SAMSN1: variants seen among roughly 807,000 people sequenced by gnomAD.
SAMSN1 encodes the protein SAM domain-containing protein SAMSN-1.
In SAMSN1, 31 loss-of-function variants were observed where a neutral mutation model predicts 42.0. The ratio of observed to expected loss-of-function variants is 0.74; its 90% confidence interval spans 0.55 to 1.00. The LOEUF is 1.00. Ranked by LOEUF, SAMSN1 falls within the 50% of genes least tolerant of loss-of-function variation. The pLI is 0.00. For missense variants in SAMSN1, 464 were observed against 439.4 expected (o/e 1.06, Z -0.50); for synonymous variants, 178 against 151.9 (o/e 1.17, Z -1.26).
chr21:14,574,885 T>C (rs1981410044), intron 2 of SAMSN1, among the ~76,000 whole-genome samples: 1 of 152,182 alleles, frequency 6.6e-6, no homozygotes, highest in East Asian at 1.9e-4. Context: ...CTCTTCTTTA[T>C]CTAATAAAAA....
At chr21:14,543,929 T>A (rs1238591872) in intron 1 of SAMSN1, among the ~76,000 whole-genome samples, 1 of 152,248 alleles carries the variant, frequency 6.6e-6, no homozygotes, top group Non-Finnish European at 1.5e-5. Context: ...AATTTCTTGA[T>A]GGTTCTGTTT....
chr21:14,553,315 T>C (rs1312134520), intron 2 of SAMSN1, among the ~76,000 whole-genome samples: 1 of 152,152 alleles, frequency 6.6e-6, no homozygotes, highest in Non-Finnish European at 1.5e-5. Context: ...AATAACTGTC[T>C]TTCTTTTTAT....
intron 7 of SAMSN1, among the ~76,000 whole-genome samples, chr21:14,497,202 G>T (rs1405684802): frequency 6.6e-6 from 1 of 152,208 alleles, no homozygotes; most frequent in Non-Finnish European, 1.5e-5. Context: ...CTAACTCAAA[G>T]AACTGGGGTA....
intron 2 of SAMSN1, among the ~76,000 whole-genome samples, chr21:14,632,269 AG>A (rs957528551): frequency 5.9e-5 from 9 of 151,692 alleles, no homozygotes; most frequent in Non-Finnish European, 1.2e-4. Flanking sequence ...GCAAACTTAG[AG>A]TATGTGTTTT....
intron 7 of SAMSN1, among the ~76,000 whole-genome samples, chr21:14,492,184 A>T (rs1986719748): frequency 6.6e-6 from 1 of 152,206 alleles, no homozygotes; most frequent in Non-Finnish European, 1.5e-5. Context: ...GAATTTCTGG[A>T]TACAAAAGTG....
intron 2 of SAMSN1, among the ~76,000 whole-genome samples, chr21:14,625,682 T>C (rs1212028293): frequency 6.6e-6 from 1 of 152,200 alleles, no homozygotes; most frequent in African/African-American, 2.4e-5. Context: ...AGAATCAGTA[T>C]TGTGAAAATG....
chr21:14,621,677 C>G (rs1983012447), intron 2 of SAMSN1, among the ~76,000 whole-genome samples: 2 of 152,212 alleles, frequency 1.3e-5, no homozygotes, highest in South Asian at 4.1e-4. Flanking sequence ...CTGCCTGCCT[C>G]TGTAGACTCC....
chr21:14,500,622 C>G lies in SAMSN1; in HGVS notation c.675G>C (p.Glu225Asp), dbSNP rs1305192586. 4 of 1,614,076 alleles carry G rather than the reference C, an allele frequency of 2.5e-6. No homozygotes were observed. The Middle Eastern group carries it at 4.9e-4, about 200-fold the overall frequency. The change falls in exon 6 of 8, where the codon GAG becomes GAC. Residue 225 changes from glutamate (E) to aspartate (D), a missense_variant. Glu to Asp is a conservative substitution (Grantham distance 45, BLOSUM62 2). Coordinates refer to ENST00000400566, the MANE Select transcript of SAMSN1 (RefSeq NM_022136.5). ...KFIYVDVISE[E>D]EAAPKKIKAN... The stretch of plus-strand genomic sequence containing the variant: ...CCTTTATTTTCTTGGGGGCTGCTTC[C>G]TCTTCTGAGATGACATCCACATAAA...
rs1190551685 is a variant in SAMSN1, at chr21:14,641,391, G to A, written c.156+1611C>T. Among the ~76,000 whole-genome samples, 3 of 152,026 alleles carry A rather than the reference G, an allele frequency of 2.0e-5. No individual in the cohort carries two copies. The South Asian group carries it at 6.2e-4, about 31-fold the overall frequency. The stretch of plus-strand genomic sequence containing the variant: ...GCTATGATAATAAGCCATTTTTAAT[G>A]CACCCAAAGAACAAAATAGGTATAT... On this transcript the variant is annotated intron_variant, in intron 2 of 15. Coordinates refer to the SAMSN1 transcript ENST00000647101.
intron 1 of SAMSN1, among the ~76,000 whole-genome samples, chr21:14,542,929 G>A (rs1980137550): frequency 6.6e-6 from 1 of 152,296 alleles, no homozygotes; most frequent in Middle Eastern, 3.4e-3. Flanking sequence ...TCCAGCCTGG[G>A]TGACAGAGCA....
chr21:14,500,301 A>G (rs1202743619), intron 6 of SAMSN1, among the ~76,000 whole-genome samples: 6 of 152,084 alleles, frequency 3.9e-5, no homozygotes, highest in Non-Finnish European at 7.3e-5. Flanking sequence ...ATCAATCTCT[A>G]TTGTCACTGC....
chr21:14,572,986 G>A (rs900442528), intron 2 of SAMSN1, among the ~76,000 whole-genome samples: 1 of 152,154 alleles, frequency 6.6e-6, no homozygotes, highest in Non-Finnish European at 1.5e-5. Context: ...CCATGATACT[G>A]TCTTACTGAA....
chr21:14,656,085 T>C (rs1476703680), intron 1 of SAMSN1, among the ~76,000 whole-genome samples: 1 of 151,808 alleles, frequency 6.6e-6, no homozygotes, highest in Non-Finnish European at 1.5e-5. Context: ...TAAAGAGTTA[T>C]CTATGTTTGT....
chr21:14,499,760 G>A (rs1987066490), intron 6 of SAMSN1, among the ~76,000 whole-genome samples: 1 of 151,976 alleles, frequency 6.6e-6, no homozygotes, highest in Non-Finnish European at 1.5e-5. Context: ...GAGTAATATA[G>A]GAAGGCTTAG....
chr21:14,639,744 T>C (rs1983548816), intron 2 of SAMSN1, among the ~76,000 whole-genome samples: 1 of 69,390 alleles, frequency 1.4e-5, no homozygotes, highest in Non-Finnish European at 3.7e-5. Context: ...CTTAGGCTAA[T>C]ATGTTAGTTT....
chr21:14,555,840 T>C (rs1351061497), intron 2 of SAMSN1, among the ~76,000 whole-genome samples: 1 of 152,214 alleles, frequency 6.6e-6, no homozygotes, highest in Non-Finnish European at 1.5e-5. Context: ...ATTACAATAC[T>C]GACAGAACAA....
In SAMSN1 at chr21:14,491,683, G is replaced by C. The variant is rs150057099; in HGVS notation, c.920-5569C>G. Among the ~76,000 whole-genome samples the C allele has an allele frequency of 1.2e-3, 189 of 152,048 alleles. 1 individual carries two copies. Among genetic ancestry groups the C allele is most frequent in the African/African-American group, 4.3e-3 (178 of 41,454 alleles). On this transcript the variant is annotated intron_variant, in intron 7 of 7. Coordinates refer to ENST00000400566, the MANE Select transcript of SAMSN1 (RefSeq NM_022136.5). ...AGTGTTCAACTCTAACTGCATCTTT[G>C]GGTCTTCATTTCCCATGAAGCCTCC... is the stretch of plus-strand genomic sequence containing the variant.
chr21:14,560,030 C>A (rs1197123572), intron 2 of SAMSN1, among the ~76,000 whole-genome samples: 4 of 152,094 alleles, frequency 2.6e-5, no homozygotes, highest in Admixed American at 1.3e-4. Flanking sequence ...ACTGTGCCTT[C>A]CAAGACTTTA....
intron 6 of SAMSN1, among the ~76,000 whole-genome samples, chr21:14,601,086 C>T (rs905530188): frequency 6.6e-6 from 1 of 152,154 alleles, no homozygotes; most frequent in African/African-American, 2.4e-5. Flanking sequence ...GTAAATTGCA[C>T]AATGCCACAT....
Sources: gnomAD v4.1 joint callset for allele counts (sites outside exome capture counted in the v4.1 genomes callset) on GRCh38, gnomAD v4.1.1 for gene constraint, MANE v1.5 for transcripts, NCBI Gene and HGNC (gene_info 2026-07-23, HGNC 2026-07-21) for gene names.